The following IKZF2 variants were observed in gnomAD, a reference collection of about 807,000 sequenced individuals.
The protein encoded by IKZF2 is zinc finger protein Helios.
Under a neutral mutation model 49.2 loss-of-function variants are expected in IKZF2, and 15 were observed. The ratio of observed to expected loss-of-function variants is 0.30; its 90% CI spans 0.20 to 0.47. The LOEUF (loss-of-function observed/expected upper bound fraction) is 0.47. Ranked by LOEUF, IKZF2 falls within the 20% of genes least tolerant of loss-of-function variation. The pLI is 1.00. For synonymous variants in IKZF2, 227 were observed against 221.4 expected, an observed-to-expected ratio of 1.03 and a Z score of -0.23; for missense variants, 567 against 664.6, an observed-to-expected ratio of 0.85 and a Z score of 1.61.
At chr2:213,020,135 A>G (rs1479745828) in intron 7 of IKZF2, among the ~76,000 whole-genome samples, 1 of 152,154 alleles carries the variant, frequency 6.6e-6, no homozygotes, top group Admixed American at 6.6e-5. Flanking sequence ...TAGCAATGCC[A>G]TAAGGTGTTT....
At chr2:213,125,693 A>G (rs1181993794) in intron 4 of IKZF2, among the ~76,000 whole-genome samples, 1 of 152,208 alleles carries the variant, frequency 6.6e-6, no homozygotes, top group Non-Finnish European at 1.5e-5. Flanking sequence ...TATCACTGAA[A>G]CAATGTCTAC....
chr2:213,102,709 A>G, intron 4 of IKZF2, among the ~76,000 whole-genome samples: 1 of 140,456 alleles, frequency 7.1e-6, no homozygotes, highest in Non-Finnish European at 1.5e-5. Context: ...GAATTTATAG[A>G]ATAATATGTT....
chr2:213,065,770 G>A (rs1702104979), intron 4 of IKZF2, among the ~76,000 whole-genome samples: 1 of 152,004 alleles, frequency 6.6e-6, no homozygotes, highest in South Asian at 2.1e-4. Context: ...CAGAACTGAT[G>A]ACCAAATTCT....
chr2:213,012,787 C>A (rs1203261169), intron 8 of IKZF2, among the ~76,000 whole-genome samples: 1 of 151,958 alleles, frequency 6.6e-6, no homozygotes, highest in Non-Finnish European at 1.5e-5. Flanking sequence ...CCTGAAATAA[C>A]CAAAGCAAAG....
rs2059628613 is a variant in IKZF2 at position 213,109,314 on chromosome 2, G to A, written c.139+38394C>T. On this transcript the variant is annotated intron_variant, in intron 4 of 8. Coordinates refer to ENST00000434687, the MANE Select transcript of IKZF2 (RefSeq NM_001387220.1). Reference sequence around the variant, plus strand: ...TACTCAAATAAATCAAATCTTACAGGTAGTGGCAAACTGTGCATATTGTCT... The same window carrying A: ...TACTCAAATAAATCAAATCTTACAGATAGTGGCAAACTGTGCATATTGTCT... Among the ~76,000 whole-genome samples, 5 of 151,890 alleles carry A rather than the reference G, an allele frequency of 3.3e-5. No individual in the cohort carries two copies. In the South Asian group the frequency reaches 1.0e-3, roughly 32 times the overall value.
intron 5 of IKZF2, among the ~76,000 whole-genome samples, chr2:213,054,670 G>A (rs896263770): frequency 1.3e-5 from 2 of 152,072 alleles, no homozygotes; most frequent in Admixed American, 1.3e-4. Context: ...GAAAAATCTA[G>A]ATCTGAAGAA....
intron 4 of IKZF2, among the ~76,000 whole-genome samples, chr2:213,061,828 A>G (rs1701727220): frequency 6.6e-6 from 1 of 151,704 alleles, no homozygotes; most frequent in Non-Finnish European, 1.5e-5. Flanking sequence ...TTCATGAGTT[A>G]GAATACAGGA....
intron 4 of IKZF2, among the ~76,000 whole-genome samples, chr2:213,095,454 G>A (rs1705863298): frequency 6.6e-6 from 1 of 151,954 alleles, no homozygotes. Context: ...ATGAACATAT[G>A]TAAAGTCAAA....
At chr2:213,074,955 C>A (rs1703099288) in intron 4 of IKZF2, among the ~76,000 whole-genome samples, 1 of 152,132 alleles carries the variant, frequency 6.6e-6, no homozygotes, top group Non-Finnish European at 1.5e-5. Context: ...TTTCTTAAAA[C>A]TAACTTCCAG....
chr2:213,099,934 C>T (rs918872529), intron 4 of IKZF2, among the ~76,000 whole-genome samples: 3 of 152,060 alleles, frequency 2.0e-5, no homozygotes, highest in South Asian at 2.1e-4. Context: ...GCTTTAGATT[C>T]ATTAAAGAAT....
At chr2:213,116,858 GCATT>G (rs1391745592) in intron 4 of IKZF2, among the ~76,000 whole-genome samples, 1 of 151,948 alleles carries the variant, frequency 6.6e-6, no homozygotes, top group African/African-American at 2.4e-5. Context: ...TAATTAACCT[GCATT>G]CATTCTATCA....
At chr2:213,140,159 T>C (rs575341074) in intron 4 of IKZF2, among the ~76,000 whole-genome samples, 14 of 152,022 alleles carry the variant, frequency 9.2e-5, no homozygotes, top group Non-Finnish European at 1.6e-4. Context: ...TCAGAAGAAG[T>C]GTTTCTAGCA....
At chr2:213,047,491 T>C (rs1700264007) in intron 6 of IKZF2, among the ~76,000 whole-genome samples, 1 of 152,138 alleles carries the variant, frequency 6.6e-6, no homozygotes, top group Non-Finnish European at 1.5e-5. Flanking sequence ...TAACATCAAA[T>C]AACCCATTTA....
chr2:213,102,279 G>A (rs1706773324), intron 4 of IKZF2, among the ~76,000 whole-genome samples: 1 of 152,016 alleles, frequency 6.6e-6, no homozygotes. Context: ...CAGTTGTCAG[G>A]GTATCTGTTT....
chr2:213,138,615 G>A (rs1021940765), intron 4 of IKZF2, among the ~76,000 whole-genome samples: 3 of 151,982 alleles, frequency 2.0e-5, no homozygotes, highest in East Asian at 1.9e-4. Context: ...TAGGGATGAA[G>A]AGATATGACC....
chr2:213,056,198 C>A (rs1477548581), intron 5 of IKZF2, among the ~76,000 whole-genome samples: 1 of 151,980 alleles, frequency 6.6e-6, no homozygotes, highest in Non-Finnish European at 1.5e-5. Context: ...AATCTGTGGG[C>A]TTTTTCCTCA....
At chr2:213,068,163 C>A (rs993558144) in intron 4 of IKZF2, among the ~76,000 whole-genome samples, 1 of 152,034 alleles carries the variant, frequency 6.6e-6, no homozygotes, top group Non-Finnish European at 1.5e-5. Flanking sequence ...ATATAAATGG[C>A]TTTCTTTTAA....
At chr2:213,121,905 T>C (rs757679002) in intron 4 of IKZF2, among the ~76,000 whole-genome samples, 5 of 152,216 alleles carry the variant, frequency 3.3e-5, no homozygotes, top group African/African-American at 9.7e-5. Context: ...CAGGAACATG[T>C]GTCTATTTTG....
intron 4 of IKZF2, among the ~76,000 whole-genome samples, chr2:213,140,237 G>T (rs990868315): frequency 2.2e-4 from 33 of 151,952 alleles, no homozygotes; most frequent in African/African-American, 7.7e-4. Context: ...ATGGAATTCT[G>T]TAATAAATAT....
Sources: gnomAD v4.1 joint callset for allele counts (sites outside exome capture counted in the v4.1 genomes callset) on GRCh38, gnomAD v4.1.1 for gene constraint, MANE v1.5 for transcripts, NCBI Gene and HGNC (gene_info 2026-07-23, HGNC 2026-07-21) for gene names.